Variants in BARD1 observed in about 807,000 individuals in gnomAD.
BARD1 encodes the protein BRCA1-associated RING domain protein 1.
Under a neutral mutation model 77.0 loss-of-function variants are expected in BARD1, and 73 were observed. That is an observed-to-expected ratio of 0.95 (90% CI 0.79 to 1.15). BARD1 has a LOEUF of 1.15. Among genes scored for constraint, BARD1 ranks in the 50% most tolerant of loss-of-function variants. BARD1 has a pLI of 0.00. For missense variants in BARD1, 993 were observed against 938.8 expected (o/e 1.06, Z -0.75); for synonymous variants, 384 against 338.0 (o/e 1.14, Z -1.49).
chr2:214,746,892 A>G (rs1213978889), intron 7 of BARD1, among the ~76,000 whole-genome samples: 1 of 152,196 alleles, frequency 6.6e-6, no homozygotes, highest in African/African-American at 2.4e-5. Context: ...GCACAGCAAA[A>G]GAAACTACCA....
chr2:214,789,371 C>G (rs138826118), intron 3 of BARD1, among the ~76,000 whole-genome samples: 46 of 149,236 alleles, frequency 3.1e-4, no homozygotes, highest in African/African-American at 1.1e-3. Flanking sequence ...CACCCTATCT[C>G]TTCTAAAAAA....
At chr2:214,746,248 T>G (rs889389846) in intron 7 of BARD1, among the ~76,000 whole-genome samples, 1 of 152,182 alleles carries the variant, frequency 6.6e-6, no homozygotes, top group Non-Finnish European at 1.5e-5. Flanking sequence ...ACTTGTTTAG[T>G]TTAAACTGAG....
intron 4 of BARD1, among the ~76,000 whole-genome samples, chr2:214,775,130 T>C (rs1371385401): frequency 3.3e-5 from 5 of 152,210 alleles, no homozygotes; most frequent in Non-Finnish European, 5.9e-5. Flanking sequence ...AGGGTAGCTC[T>C]TTTAAATTAC....
At chr2:214,794,338 G>T (rs1695663207) in intron 2 of BARD1, among the ~76,000 whole-genome samples, 1 of 152,142 alleles carries the variant, frequency 6.6e-6, no homozygotes, top group Non-Finnish European at 1.5e-5. Flanking sequence ...AAAAGCTACT[G>T]AAAATACTTC....
intron 7 of BARD1, 137 bp from the exon 8 acceptor site, chr2:214,745,991 T>A: frequency 9.4e-7 from 1 of 1,060,184 alleles, no homozygotes; most frequent in Middle Eastern, 2.2e-4. Context: ...TTCCATTGAA[T>A]CTACACCCAG....
intron 6 of BARD1, among the ~76,000 whole-genome samples, chr2:214,759,299 TA>T (rs201632563): frequency 1.3e-5 from 2 of 150,948 alleles, no homozygotes; most frequent in East Asian, 1.9e-4. Flanking sequence ...CCATTAAAAA[TA>T]AAAAAAAAGA....
At position 214,769,297 on chromosome 2, in the gene BARD1, CA is replaced by C. The variant is rs767587416; in HGVS notation, c.1329del (p.Val444LeufsTer31). The C allele has an allele frequency of 6.2e-7, 1 of 1,613,232 alleles. No homozygotes were observed. ...HIASIKGDIP[S>X]VEYLLQNGSD... Reference sequence around the variant, plus strand: ...CTTCCATTTTGTAAAAGGTATTCAACAGAAGGTATGTCGCCCTAGAAAAATG... The same window carrying C: ...CTTCCATTTTGTAAAAGGTATTCAACGAAGGTATGTCGCCCTAGAAAAATG... On this transcript the variant is annotated frameshift_variant, in exon 5 of 11. Coordinates refer to ENST00000260947, the MANE Select transcript of BARD1 (RefSeq NM_000465.4). LOFTEE classifies it high-confidence loss of function.
rs864622635 is a variant in BARD1 at position 214,809,463 on chromosome 2, T to C, written c.107A>G (p.His36Arg). 6.2e-7 allele frequency: 1 copy of C among 1,611,128 alleles called. No individual in the cohort carries two copies. Among genetic ancestry groups the C allele is most frequent in the Non-Finnish European group, 8.5e-7 (1 of 1,179,526 alleles). The change falls in exon 1 of 11, where the codon CAC becomes CGC. Residue 36 changes from histidine (H) to arginine (R), a missense_variant. Coordinates refer to ENST00000260947, the MANE Select transcript of BARD1 (RefSeq NM_000465.4). Reference protein sequence around the residue: ...MEPDGRGAWAHSRAALDRLEK... With the variant: ...MEPDGRGAWARSRAALDRLEK... ...CAGGCGGTCGAGCGCGGCGCGACTGTGGGCCCAGGCACCGCGACCATCCGG... is the reference window on the plus strand; with the variant it reads ...CAGGCGGTCGAGCGCGGCGCGACTGCGGGCCCAGGCACCGCGACCATCCGG...
chr2:214,728,623 G>A lies in BARD1; in HGVS notation c.*53C>T. 1.3e-6 allele frequency: 2 copies of A among 1,544,064 alleles called. No homozygotes were observed. Among genetic ancestry groups the A allele is most frequent in the Non-Finnish European group, 1.8e-6 (2 of 1,121,526 alleles). On this transcript the variant is annotated 3_prime_UTR_variant, in exon 11 of 11. Transcript: ENST00000260947. ...GAACATTAAAAACAGTACAATGACT[G>A]GGCTCTCACAAACCGTGCAAATTCA...
chr2:214,785,776 A>T (rs1356341366), intron 3 of BARD1, among the ~76,000 whole-genome samples: 1 of 151,984 alleles, frequency 6.6e-6, no homozygotes, highest in Non-Finnish European at 1.5e-5. Context: ...AGTTGGAAAA[A>T]TAACAATAAT....
chr2:214,788,125 T>C (rs1401603268), intron 3 of BARD1, among the ~76,000 whole-genome samples: 2 of 151,818 alleles, frequency 1.3e-5, no homozygotes, highest in Non-Finnish European at 2.9e-5. Flanking sequence ...AAGACGAGCA[T>C]CTCTCTCTAA....
intron 6 of BARD1, among the ~76,000 whole-genome samples, chr2:214,753,801 T>C (rs1433121388): frequency 1.3e-5 from 2 of 152,172 alleles, no homozygotes; most frequent in East Asian, 1.9e-4. Flanking sequence ...AATGTTTCTC[T>C]AATGACTGCA....
chr2:214,740,464 T>A (rs1298166516), intron 9 of BARD1, among the ~76,000 whole-genome samples: 1 of 152,074 alleles, frequency 6.6e-6, no homozygotes, highest in Admixed American at 6.6e-5. Context: ...AAAACTGTTA[T>A]AAACAAATAG....
chr2:214,735,352 G>A (rs1049177604), intron 9 of BARD1, among the ~76,000 whole-genome samples: 1 of 152,138 alleles, frequency 6.6e-6, no homozygotes, highest in African/African-American at 2.4e-5. Context: ...CTGAAAAGAG[G>A]AGGTAAAGTA....
At chr2:214,747,253 T>G (rs1185131000) in intron 7 of BARD1, among the ~76,000 whole-genome samples, 1 of 151,986 alleles carries the variant, frequency 6.6e-6, no homozygotes, top group African/African-American at 2.4e-5. Flanking sequence ...TTTACACTGT[T>G]AGTGGGACTG....
intron 1 of BARD1, among the ~76,000 whole-genome samples, chr2:214,809,030 G>A (rs376006439): frequency 8.2e-4 from 125 of 152,324 alleles, no homozygotes; most frequent in African/African-American, 3.0e-3. Flanking sequence ...ACAGCTCCCG[G>A]AAAGCAGCGG....
At chr2:214,771,074 T>C (rs1694461532) in intron 4 of BARD1, among the ~76,000 whole-genome samples, 1 of 152,240 alleles carries the variant, frequency 6.6e-6, no homozygotes, top group African/African-American at 2.4e-5. Context: ...GAGGCATTTA[T>C]GCAGCGGGAT....
intron 4 of BARD1, among the ~76,000 whole-genome samples, chr2:214,779,035 T>C (rs1020195023): frequency 6.6e-6 from 1 of 152,172 alleles, no homozygotes; most frequent in Non-Finnish European, 1.5e-5. Flanking sequence ...AATATACATA[T>C]ATATAACAGA....
chr2:214,797,813 T>G lies in BARD1; in HGVS notation c.159-696A>C, dbSNP rs902184571. Among the ~76,000 whole-genome samples the G allele has an allele frequency of 2.0e-5, 3 of 152,328 alleles. No individual in the cohort carries two copies. In the South Asian group the frequency reaches 6.2e-4, roughly 32 times the overall value. ...CAAATGTAAACAGAAATCATCAGAT[T>G]AGCAGTGTGTCTGCAGATAGAATGA... is the stretch of plus-strand genomic sequence containing the variant. On this transcript the variant is annotated intron_variant, in intron 1 of 10. Transcript: ENST00000260947.
Sources: gnomAD v4.1 joint callset for allele counts (sites outside exome capture counted in the v4.1 genomes callset) on GRCh38, gnomAD v4.1.1 for gene constraint, MANE v1.5 for transcripts, NCBI Gene and HGNC (gene_info 2026-07-23, HGNC 2026-07-21) for gene names.